Variants in CSRNP3 observed in about 807,000 individuals in gnomAD.
The protein encoded by CSRNP3 is cysteine/serine-rich nuclear protein 3.
In CSRNP3, 12 loss-of-function variants were observed where a neutral mutation model predicts 48.0. That is an observed-to-expected ratio of 0.25 (90% CI 0.16 to 0.41). The LOEUF is 0.41. Among genes scored for constraint, CSRNP3 ranks in the 10% least tolerant of loss-of-function variants. CSRNP3 has a pLI of 1.00. For missense variants in CSRNP3, 580 were observed against 724.4 expected (o/e 0.80, Z 2.29); for synonymous variants, 263 against 269.7 (o/e 0.98, Z 0.24).
chr2:165,641,064 G>T (rs1424463356), intron 4 of CSRNP3, among the ~76,000 whole-genome samples: 2 of 152,012 alleles, frequency 1.3e-5, no homozygotes, highest in African/African-American at 4.8e-5. Context: ...TGTCCTAGTA[G>T]GTTTCCAAAC....
At chr2:165,486,137 C>T (rs1169614734) in intron 1 of CSRNP3, among the ~76,000 whole-genome samples, 8 of 151,876 alleles carry the variant, frequency 5.3e-5, no homozygotes, top group Non-Finnish European at 8.8e-5. Context: ...ACCTGGGAAG[C>T]GCAAGGGGTC....
At chr2:165,641,973 G>A (rs1349859843) in intron 4 of CSRNP3, among the ~76,000 whole-genome samples, 3 of 152,198 alleles carry the variant, frequency 2.0e-5, no homozygotes, top group South Asian at 2.1e-4. Flanking sequence ...CTGAGGTTAC[G>A]TTTGGCTTTG....
chr2:165,644,514 GC>G (rs1686779400), intron 4 of CSRNP3, among the ~76,000 whole-genome samples: 1 of 152,094 alleles, frequency 6.6e-6, no homozygotes, highest in African/African-American at 2.4e-5. Flanking sequence ...GAGTTTTAGT[GC>G]CCAGCAGTGT....
chr2:165,581,520 T>C (rs917454995), intron 3 of CSRNP3, among the ~76,000 whole-genome samples: 3 of 151,576 alleles, frequency 2.0e-5, no homozygotes, highest in African/African-American at 7.3e-5. Flanking sequence ...TTACTAGTTA[T>C]GCCCTGCCCA....
At chr2:165,653,972 CAAAAAAAAAAAAAAAAAAAAAAA>C (rs71028497) in intron 4 of CSRNP3, among the ~76,000 whole-genome samples, 5 of 41,226 alleles carry the variant, frequency 1.2e-4, no homozygotes, top group Admixed American at 7.6e-4. Context: ...AGCTCTATCA[CAAAAAAAAAAAAAAAAAAAAAAA>C]AAAAAAAAAA....
At chr2:165,520,770 TTATATATATATATTATATATATATATA>T (rs1490087395) in intron 3 of CSRNP3, among the ~76,000 whole-genome samples, 11,830 of 106,926 alleles carry the variant, frequency 0.11, 873 homozygotes, top group East Asian at 0.22. Context: ...TAGAAATATA[TTATATATATATATTATATATATATATA>T]TATATATATA....
At chr2:165,486,183 C>T (rs938185557) in intron 1 of CSRNP3, among the ~76,000 whole-genome samples, 21 of 152,278 alleles carry the variant, frequency 1.4e-4, no homozygotes, top group East Asian at 3.9e-4. Context: ...AAATGGGTGA[C>T]GGACGCACCT....
intron 3 of CSRNP3, among the ~76,000 whole-genome samples, chr2:165,526,671 C>A (rs1684735844): frequency 6.6e-6 from 1 of 152,122 alleles, no homozygotes; most frequent in Admixed American, 6.5e-5. Context: ...AGGACTTAGG[C>A]AAACTGCTGA....
intron 5 of CSRNP3, among the ~76,000 whole-genome samples, chr2:165,666,242 G>C (rs750443145): frequency 7.4e-6 from 1 of 134,930 alleles, no homozygotes; most frequent in African/African-American, 2.8e-5. Context: ...GGAGGAAAGA[G>C]AGAGAGGAAG....
Position 165,490,027 on chromosome 2 carries a change from A to T in CSRNP3, c.-282-4732A>T, listed in dbSNP as rs868333684. On this transcript the variant is annotated intron_variant, in intron 1 of 6. Transcript: ENST00000651982. ...CAAATTGTCCCTGTTTGCAGATGACATGATTGTTTATCTAGAAATCCCCAT... is the reference window on the plus strand; with the variant it reads ...CAAATTGTCCCTGTTTGCAGATGACTTGATTGTTTATCTAGAAATCCCCAT... Among the ~76,000 whole-genome samples the T allele has an allele frequency of 3.8e-3, 572 of 152,218 alleles. 7 individuals are homozygous for T. The highest frequency in any genetic ancestry group is 0.013 in the African/African-American group (541 of 41,508).
chr2:165,482,637 C>G (rs1409317044), intron 1 of CSRNP3, among the ~76,000 whole-genome samples: 4 of 152,126 alleles, frequency 2.6e-5, no homozygotes, highest in Non-Finnish European at 5.9e-5. Context: ...TCCCATTTAC[C>G]TTTCAGCCCA....
At position 165,557,471 on chromosome 2, in the gene CSRNP3, C is replaced by T. The variant is rs1038460800; in HGVS notation, c.-23-37572C>T. Reference sequence around the variant, plus strand: ...AGTTGAGAGAGGGAGAAAATGGGATCGAGGGCATTTAAGGAAAGATTGGCC... The same window carrying T: ...AGTTGAGAGAGGGAGAAAATGGGATTGAGGGCATTTAAGGAAAGATTGGCC... On this transcript the variant is annotated intron_variant, in intron 3 of 6. Coordinates refer to ENST00000651982, the MANE Select transcript of CSRNP3 (RefSeq NM_001172173.2). Among the ~76,000 whole-genome samples the T allele has an allele frequency of 5.3e-5, 8 of 152,006 alleles. 1 individual carries two copies. The highest frequency in any genetic ancestry group is 1.9e-4 in the African/African-American group (8 of 41,390).
intron 2 of CSRNP3, among the ~76,000 whole-genome samples, chr2:165,512,465 G>A (rs999035072): frequency 3.9e-5 from 6 of 152,050 alleles, no homozygotes; most frequent in African/African-American, 7.2e-5. Flanking sequence ...TTTTGAACAC[G>A]GGTGATTGAA....
intron 3 of CSRNP3, among the ~76,000 whole-genome samples, chr2:165,562,954 G>C (rs775237731): frequency 3.9e-5 from 6 of 152,122 alleles, no homozygotes; most frequent in African/African-American, 1.2e-4. Context: ...TCAAGAGGGT[G>C]GGAGAGTTAA....
Position 165,676,318 on chromosome 2 carries a change from A to G in CSRNP3, c.415A>G (p.Lys139Glu). 6.2e-7 allele frequency: 1 copy of G among 1,612,088 alleles called. No individual in the cohort carries two copies. Among genetic ancestry groups the G allele is most frequent in the African/African-American group, 1.3e-5 (1 of 74,854 alleles). ...TGCTGCTTTGTGTTTTTAGATGACT[A>G]AGAATGGCACAGTAGAATCAGAAGA... ...KLNSLKLKMTKNGTVESEEAS... is the reference protein window; with the variant it reads ...KLNSLKLKMTENGTVESEEAS... Residue 139 changes from lysine (K) to glutamate (E), a missense_variant, in exon 6 of 7, where the codon AAG becomes GAG. Lys to Glu is a moderately conservative substitution (Grantham distance 56, BLOSUM62 1). Coordinates refer to ENST00000651982, the MANE Select transcript of CSRNP3 (RefSeq NM_001172173.2).
intron 4 of CSRNP3, among the ~76,000 whole-genome samples, chr2:165,619,768 C>T (rs1686309748): frequency 6.6e-6 from 1 of 152,104 alleles, no homozygotes; most frequent in Admixed American, 6.6e-5. Flanking sequence ...AATATATAAC[C>T]ACCTAAGTCA....
chr2:165,671,506 T>C (rs554669786), intron 5 of CSRNP3, among the ~76,000 whole-genome samples: 1 of 152,300 alleles, frequency 6.6e-6, no homozygotes, highest in African/African-American at 2.4e-5. Context: ...ACTTCACCCC[T>C]TTTAGCCATG....
intron 4 of CSRNP3, among the ~76,000 whole-genome samples, chr2:165,597,893 A>C (rs1381177084): frequency 2.0e-5 from 3 of 152,144 alleles, no homozygotes; most frequent in African/African-American, 7.2e-5. Flanking sequence ...CATCCCTTGA[A>C]ATCGGTACTC....
chr2:165,472,336 C>T (rs1303972403), intron 1 of CSRNP3, among the ~76,000 whole-genome samples: 2 of 151,888 alleles, frequency 1.3e-5, no homozygotes, highest in Non-Finnish European at 2.9e-5. Flanking sequence ...ATTACACATT[C>T]CAACAACCTA....
Sources: allele counts gnomAD v4.1 joint callset (sites outside exome capture counted in the v4.1 genomes callset), GRCh38; gene constraint gnomAD v4.1.1; transcripts MANE v1.5; gene names NCBI Gene and HGNC (gene_info 2026-07-23, HGNC 2026-07-21).